Variants in STIMATE observed in about 807,000 individuals in gnomAD.
STIMATE encodes the protein STIM activating enhancer.
STIMATE carries 15 observed loss-of-function variants against 36.7 expected under a neutral mutation model. The observed-to-expected ratio is 0.41, with a 90% CI of 0.27 to 0.63. The LOEUF (loss-of-function observed/expected upper bound fraction) is 0.63. STIMATE is among the 20% of genes least tolerant of loss of function. The pLI is 0.32. For missense variants in STIMATE, 305 were observed against 397.3 expected, an observed-to-expected ratio of 0.77 and a Z score of 1.98; for synonymous variants, 163 against 162.3, an observed-to-expected ratio of 1.00 and a Z score of -0.03.
rs1701175868 is a variant in STIMATE at position 52,859,538 on chromosome 3, T to TAAA, written c.161-4095_161-4094insTTT. 4.0e-3 allele frequency among the ~76,000 whole-genome samples: 484 copies of TAAA among 119,604 alleles called. 5 individuals carry two copies. Among genetic ancestry groups the TAAA allele is most frequent in the African/African-American group, 0.016 (455 of 28,440 alleles). 78.5% of individuals were successfully genotyped at this position (119,604 alleles called of 152,430 possible). ...AAAAAAAAAAAAAAAAAAATTTTTT[T>TAAA]TTTTTTTTTTTTTTTGCTGGGCATG... On this transcript the variant is annotated intron_variant, in intron 1 of 7. Coordinates refer to ENST00000355083, the MANE Select transcript of STIMATE (RefSeq NM_198563.5).
intron 1 of STIMATE, among the ~76,000 whole-genome samples, chr3:52,887,363 C>T (rs574798355): frequency 6.6e-6 from 1 of 152,352 alleles, no homozygotes; most frequent in East Asian, 1.9e-4. Flanking sequence ...TGTGCCAGCA[C>T]AGCCTGGCTG....
intron 7 of STIMATE, among the ~76,000 whole-genome samples, chr3:52,841,063 G>A (rs993496826): frequency 6.6e-5 from 10 of 152,180 alleles, no homozygotes; most frequent in Admixed American, 3.9e-4. Context: ...TCAATGAGAC[G>A]TGCTAGCCTC....
intron 1 of STIMATE, among the ~76,000 whole-genome samples, chr3:52,859,736 T>C (rs1386953907): frequency 1.3e-5 from 2 of 151,312 alleles, no homozygotes; most frequent in African/African-American, 4.9e-5. Context: ...AAAGGAATTA[T>C]GGATCAAGGA....
intron 1 of STIMATE, among the ~76,000 whole-genome samples, chr3:52,867,764 A>G (rs141652552): frequency 6.6e-6 from 1 of 152,356 alleles, no homozygotes; most frequent in East Asian, 1.9e-4. Flanking sequence ...CAGAGCCAGA[A>G]GGGTCCTTGA....
intron 1 of STIMATE, among the ~76,000 whole-genome samples, chr3:52,880,580 G>A (rs569039242): frequency 1.8e-4 from 27 of 152,250 alleles, no homozygotes; most frequent in Admixed American, 4.6e-4. Flanking sequence ...AGCTCCATTC[G>A]CACTTCCTTT....
intron 1 of STIMATE, among the ~76,000 whole-genome samples, chr3:52,863,413 TG>T (rs1036875009): frequency 6.6e-6 from 1 of 152,166 alleles, no homozygotes; most frequent in African/African-American, 2.4e-5. Flanking sequence ...AGGAACAGTA[TG>T]GGGGAAACCA....
At chr3:52,875,380 A>G (rs1435766088) in intron 1 of STIMATE, among the ~76,000 whole-genome samples, 1 of 152,136 alleles carries the variant, frequency 6.6e-6, no homozygotes, top group Non-Finnish European at 1.5e-5. Context: ...GGCCAGCCCC[A>G]CCACAGAAGC....
chr3:52,890,552 G>A lies in STIMATE; in HGVS notation c.160+6739C>T, dbSNP rs140424997. 2.6e-5 allele frequency among the ~76,000 whole-genome samples: 4 copies of A among 152,338 alleles called. No homozygotes were observed. The East Asian group carries it at 7.7e-4, about 29-fold the overall frequency. Reference sequence around the variant, plus strand: ...GTTAAATGCCTTGCAATGCACAGGAGAGCCTCCCACAAGAAAGAATTATCT... The same window carrying A: ...GTTAAATGCCTTGCAATGCACAGGAAAGCCTCCCACAAGAAAGAATTATCT... On this transcript the variant is annotated intron_variant, in intron 1 of 7. Transcript: ENST00000355083.
At chr3:52,840,825 G>A (rs1478883543) in intron 7 of STIMATE, among the ~76,000 whole-genome samples, 2 of 151,758 alleles carry the variant, frequency 1.3e-5, no homozygotes, top group African/African-American at 4.8e-5. Context: ...TCAGTCTCCT[G>A]AGTAGCTGAT....
intron 3 of STIMATE, among the ~76,000 whole-genome samples, chr3:52,851,906 A>T (rs772594198): frequency 7.9e-5 from 12 of 152,330 alleles, no homozygotes; most frequent in Middle Eastern, 3.4e-3. Context: ...GTGAACTTAC[A>T]GTATATATAA....
chr3:52,896,552 G>A (rs1465974049), intron 1 of STIMATE, among the ~76,000 whole-genome samples: 1 of 152,078 alleles, frequency 6.6e-6, no homozygotes, highest in Non-Finnish European at 1.5e-5. Context: ...TAATGGAAAA[G>A]GAAACTTAAA....
chr3:52,887,430 T>C (rs181034922), intron 1 of STIMATE, among the ~76,000 whole-genome samples: 61 of 152,252 alleles, frequency 4.0e-4, no homozygotes, highest in African/African-American at 1.3e-3. Flanking sequence ...GACTGGATGT[T>C]TGCGGCACAG....
At chr3:52,872,035 GTGGCTGGCTTCT>G (rs927921489) in intron 1 of STIMATE, among the ~76,000 whole-genome samples, 9 of 152,178 alleles carry the variant, frequency 5.9e-5, no homozygotes, top group Admixed American at 1.3e-4. Flanking sequence ...GGGTCACCAA[GTGGCTGGCTTCT>G]TTTTGTTCCT....
At chr3:52,859,502 CAAAAA>C (rs34298807) in intron 1 of STIMATE, among the ~76,000 whole-genome samples, 4 of 15,646 alleles carry the variant, frequency 2.6e-4, no homozygotes, top group Non-Finnish European at 3.5e-4. Context: ...CCCATTTCTC[CAAAAA>C]AAAAAAAAAA....
At chr3:52,850,788 C>A (rs141233405) in intron 3 of STIMATE, among the ~76,000 whole-genome samples, 1 of 152,150 alleles carries the variant, frequency 6.6e-6, no homozygotes, top group South Asian at 2.1e-4. Flanking sequence ...TGGAGTGCAG[C>A]GGTGCAATCA....
At chr3:52,850,432 A>AG in intron 3 of STIMATE, among the ~76,000 whole-genome samples, 1 of 114,456 alleles carries the variant, frequency 8.7e-6, no homozygotes, top group South Asian at 3.0e-4. Context: ...CTCTGTCTCA[A>AG]AAAAACAAAA....
At chr3:52,844,684 A>G in intron 5 of STIMATE, 145 bp downstream of exon 5, 1 of 763,092 alleles carries the variant, frequency 1.3e-6, no homozygotes, top group Non-Finnish European at 2.1e-6. Context: ...TCTTTGGAGT[A>G]GTTGCCACAT....
At position 52,842,848 on chromosome 3, in the gene STIMATE, T is replaced by G. The variant is rs768811330; in HGVS notation, c.731A>C (p.Tyr244Ser). 2 of 1,614,204 alleles carry G rather than the reference T, an allele frequency of 1.2e-6. No homozygotes were observed. The highest frequency in any genetic ancestry group is 8.5e-7 in the Non-Finnish European group (1 of 1,180,026). Residue 244 changes from tyrosine (Y) to serine (S), a missense_variant, in exon 7 of 8, where the codon TAC becomes TCC. By Grantham distance (144) the Tyr-to-Ser change is moderately radical. This residue lies in a region of STIMATE where 84 missense variants were observed against 82.4 expected (regional missense o/e 1.02). Coordinates refer to ENST00000355083, the MANE Select transcript of STIMATE (RefSeq NM_198563.5). ...QDSRNGSKVR[Y>S]RRAASHEESE... ...CTCCTCGTGGGATGCGGCCCTCCGG[T>G]AGCGGACCTTGCTCCCATTCCTCGA...
rs555194889 is a variant in STIMATE, at chr3:52,851,683, C to T, written c.305+920G>A. Among the ~76,000 whole-genome samples the T allele has an allele frequency of 7.9e-5, 12 of 152,242 alleles. No individual in the cohort carries two copies. The South Asian group carries it at 1.7e-3, about 21-fold the overall frequency. On this transcript the variant is annotated intron_variant, in intron 3 of 7. Coordinates refer to ENST00000355083, the MANE Select transcript of STIMATE (RefSeq NM_198563.5). ...GATACTTTGTGTCCAAAGCATCTCA[C>T]GCCTGCGAGAACAAGGACATGTGAT...
Sources: gnomAD v4.1 joint callset for allele counts (sites outside exome capture counted in the v4.1 genomes callset) on GRCh38, gnomAD v4.1.1 for gene constraint, gnomAD v4.1.1 regional missense constraint, MANE v1.5 for transcripts, NCBI Gene and HGNC (gene_info 2026-07-23, HGNC 2026-07-21) for gene names.